LDLRAD3: variants seen among roughly 807,000 people sequenced by gnomAD.
The protein encoded by LDLRAD3 is low density lipoprotein receptor class A domain containing 3, also known as low-density lipoprotein receptor class A domain-containing protein 3.
LDLRAD3 carries 20 observed loss-of-function variants against 29.4 expected under a neutral mutation model. The ratio of observed to expected loss-of-function variants is 0.68; its 90% CI spans 0.48 to 0.99. The LOEUF (loss-of-function observed/expected upper bound fraction) is 0.99, where lower values mean the gene tolerates loss of function less well. LDLRAD3 is among the 50% of genes least tolerant of loss of function. The probability of loss-of-function intolerance (pLI) is 0.00; values close to 1 mark genes in which losing one functional copy is unlikely to be tolerated. For synonymous variants in LDLRAD3, 157 were observed against 192.7 expected, an observed-to-expected ratio of 0.81 and a Z score of 1.53; for missense variants, 420 against 454.3, an observed-to-expected ratio of 0.92 and a Z score of 0.69.
intron 4 of LDLRAD3, among the ~76,000 whole-genome samples, chr11:36,103,831 G>T (rs1432031265): frequency 1.9e-4 from 29 of 152,118 alleles, no homozygotes; most frequent in Admixed American, 1.9e-3. Context: ...TTAGCATAAT[G>T]TCCTCACGGT....
In LDLRAD3 at chr11:35,965,697, T is replaced by C. The variant is rs184066124; in HGVS notation, c.46+21553T>C. ...TATTTAGCATCTGCCAGGCGTATGT[T>C]AGGAGAGAGGTCTGTCTCATTTAAT... is the stretch of plus-strand genomic sequence containing the variant. On this transcript the variant is annotated intron_variant, in intron 1 of 5. Coordinates refer to ENST00000315571, the MANE Select transcript of LDLRAD3 (RefSeq NM_174902.4). Among the ~76,000 whole-genome samples the C allele has an allele frequency of 5.4e-4, 82 of 152,278 alleles. 2 individuals are homozygous for C. In the East Asian group the frequency reaches 0.014, roughly 27 times the overall value.
chr11:35,959,616 G>A (rs1851250972), intron 1 of LDLRAD3, among the ~76,000 whole-genome samples: 1 of 152,012 alleles, frequency 6.6e-6, no homozygotes, highest in Non-Finnish European at 1.5e-5. Flanking sequence ...TATAATTCAG[G>A]CTTTCCTCTT....
chr11:36,028,214 GA>G (rs1852191913), intron 1 of LDLRAD3, among the ~76,000 whole-genome samples: 1 of 152,182 alleles, frequency 6.6e-6, no homozygotes, highest in Admixed American at 6.5e-5. Context: ...AAGAATGTCA[GA>G]ACTGGAAAGG....
At chr11:35,948,467 T>C (rs1387920655) in intron 1 of LDLRAD3, among the ~76,000 whole-genome samples, 2 of 147,126 alleles carry the variant, frequency 1.4e-5, no homozygotes, top group African/African-American at 5.0e-5. Context: ...TGTGTGTGTG[T>C]GTGCACATGC....
chr11:36,024,961 G>T (rs539202421), intron 1 of LDLRAD3, among the ~76,000 whole-genome samples: 18 of 152,358 alleles, frequency 1.2e-4, no homozygotes, highest in African/African-American at 3.6e-4. Context: ...TCATGGCTTA[G>T]TAAGTTTGGT....
At chr11:36,182,140 C>T (rs12802388) in intron 4 of LDLRAD3, among the ~76,000 whole-genome samples, 3,356 of 152,182 alleles carry the variant, frequency 0.022, 119 homozygotes, top group African/African-American at 0.075. Context: ...TAGCCAGTAA[C>T]AAATCATTGA....
intron 4 of LDLRAD3, among the ~76,000 whole-genome samples, chr11:36,141,044 G>A (rs1854079274): frequency 9.7e-6 from 1 of 102,954 alleles, no homozygotes; most frequent in Admixed American, 1.1e-4. Context: ...CTCCGTGTGG[G>A]GGTGTGCGTG....
chr11:35,957,281 A>T (rs1173836253), intron 1 of LDLRAD3, among the ~76,000 whole-genome samples: 1 of 152,224 alleles, frequency 6.6e-6, no homozygotes, highest in Non-Finnish European at 1.5e-5. Context: ...TTCCCATGTT[A>T]CACTAATCTA....
intron 4 of LDLRAD3, among the ~76,000 whole-genome samples, chr11:36,162,893 A>C (rs1244330306): frequency 6.6e-6 from 1 of 152,112 alleles, no homozygotes; most frequent in Non-Finnish European, 1.5e-5. Flanking sequence ...GCAAAGGGGG[A>C]AACAGGGTTG....
intron 1 of LDLRAD3, among the ~76,000 whole-genome samples, chr11:35,969,542 C>A (rs1001211431): frequency 5.3e-5 from 8 of 152,182 alleles, no homozygotes; most frequent in Non-Finnish European, 1.2e-4. Context: ...AAGCTTTGCC[C>A]ATGATTTATT....
chr11:36,156,599 A>C (rs979412135), intron 4 of LDLRAD3, among the ~76,000 whole-genome samples: 10 of 152,218 alleles, frequency 6.6e-5, no homozygotes, highest in African/African-American at 2.2e-4. Flanking sequence ...GCCTTCTCTT[A>C]GAGGGGAGTT....
intron 2 of LDLRAD3, among the ~76,000 whole-genome samples, chr11:36,050,173 G>C (rs954572888): frequency 6.6e-6 from 1 of 152,196 alleles, no homozygotes; most frequent in Non-Finnish European, 1.5e-5. Context: ...AGTGATTGTG[G>C]TAAGGAGGTT....
intron 1 of LDLRAD3, among the ~76,000 whole-genome samples, chr11:36,030,468 G>A (rs1163730935): frequency 1.6e-5 from 2 of 125,164 alleles, no homozygotes; most frequent in Admixed American, 8.7e-5. Context: ...GTGTGTGTGT[G>A]TGTGTGTACG....
chr11:36,053,070 G>C (rs1408861834), intron 2 of LDLRAD3, among the ~76,000 whole-genome samples: 1 of 151,998 alleles, frequency 6.6e-6, no homozygotes, highest in Non-Finnish European at 1.5e-5. Flanking sequence ...GAGCACCTGA[G>C]CCATGGGGGC....
chr11:36,125,606 A>G (rs1853825081), intron 4 of LDLRAD3, among the ~76,000 whole-genome samples: 1 of 152,202 alleles, frequency 6.6e-6, no homozygotes, highest in Non-Finnish European at 1.5e-5. Flanking sequence ...TTGTAAGCTC[A>G]GTGTGAGACT....
intron 4 of LDLRAD3, among the ~76,000 whole-genome samples, chr11:36,144,206 C>T (rs1404773037): frequency 1.3e-5 from 2 of 151,980 alleles, no homozygotes; most frequent in Non-Finnish European, 2.9e-5. Flanking sequence ...GCCGGGATGG[C>T]AGACAGAGTT....
intron 2 of LDLRAD3, among the ~76,000 whole-genome samples, chr11:36,052,730 G>A (rs1751938443): frequency 6.6e-6 from 1 of 152,148 alleles, no homozygotes; most frequent in South Asian, 2.1e-4. Flanking sequence ...CCTGTTAAGT[G>A]TTTAACAGGT....
At chr11:36,195,257 T>A (rs1027137589) in intron 4 of LDLRAD3, among the ~76,000 whole-genome samples, 1 of 150,754 alleles carries the variant, frequency 6.6e-6, no homozygotes, top group South Asian at 2.1e-4. Context: ...ATGAGGAAGA[T>A]GTTGAGCCAG....
chr11:36,039,620 C>T (rs142224385), intron 2 of LDLRAD3, among the ~76,000 whole-genome samples: 1 of 152,134 alleles, frequency 6.6e-6, no homozygotes, highest in South Asian at 2.1e-4. Context: ...TTTATTTGGT[C>T]GTTGTCATGG....
Sources: gnomAD v4.1 joint callset for allele counts (sites outside exome capture counted in the v4.1 genomes callset) on GRCh38, gnomAD v4.1.1 for gene constraint, MANE v1.5 for transcripts, NCBI Gene and HGNC (gene_info 2026-07-23, HGNC 2026-07-21) for gene names.